Variants in NEXMIF observed in about 807,000 individuals in gnomAD.
The protein encoded by NEXMIF is XLMR protein related to neurite extension.
A neutral mutation model predicts 62.1 loss-of-function variants in NEXMIF; 8 were observed. The ratio of observed to expected loss-of-function variants is 0.13; its 90% CI spans 0.08 to 0.23. NEXMIF has a LOEUF of 0.23. Ranked by LOEUF, NEXMIF falls within the 10% of genes least tolerant of loss-of-function variation. The pLI is 1.00. For synonymous variants in NEXMIF, 404 were observed against 416.6 expected (o/e 0.97, Z 0.37); for missense variants, 976 against 1,113.3 (o/e 0.88, Z 1.75).
chrX:74,839,807 T>C (rs2080468351), intron 1 of NEXMIF, among the ~76,000 whole-genome samples: 1 of 112,485 alleles, frequency 8.9e-6, no homozygotes, highest in South Asian at 3.7e-4. Flanking sequence ...CGTTATCCAA[T>C]CTGTCATTGA....
At chrX:74,744,577 T>C (rs2080119867) in intron 2 of NEXMIF, 100 bp from the exon 3 acceptor site, 1 of 547,717 alleles carries the variant, frequency 1.8e-6, no homozygotes. Flanking sequence ...CTTGATCTTA[T>C]TATATAAGCT....
chrX:74,835,842 C>T (rs1327200701), intron 1 of NEXMIF, among the ~76,000 whole-genome samples: 1 of 111,998 alleles, frequency 8.9e-6, no homozygotes, highest in African/African-American at 3.2e-5. Flanking sequence ...TGGTGTCCTT[C>T]CCTTCAGGGT....
chrX:74,889,791 CTG>C (rs2080711025), intron 1 of NEXMIF, among the ~76,000 whole-genome samples: 1 of 111,317 alleles, frequency 9.0e-6, no homozygotes, highest in Admixed American at 9.5e-5. Context: ...GAGATATACA[CTG>C]TGTACATCTC....
intron 1 of NEXMIF, among the ~76,000 whole-genome samples, chrX:74,865,919 G>A (rs935722224): frequency 1.8e-5 from 2 of 111,583 alleles, no homozygotes; most frequent in African/African-American, 6.5e-5. Flanking sequence ...TTTGCTGCCG[G>A]GGTGGGGCCC....
chrX:74,776,480 C>T (rs1250653788), intron 1 of NEXMIF, among the ~76,000 whole-genome samples: 3 of 111,021 alleles, frequency 2.7e-5, no homozygotes, highest in Non-Finnish European at 3.8e-5. Flanking sequence ...AATCCCAGCA[C>T]GTTGGGAGGC....
At chrX:74,873,269 C>T (rs1464085160) in intron 1 of NEXMIF, among the ~76,000 whole-genome samples, 1 of 111,265 alleles carries the variant, frequency 9.0e-6, no homozygotes, top group African/African-American at 3.3e-5. Context: ...TGATAGTTTA[C>T]TGAGAATGAT....
intron 1 of NEXMIF, among the ~76,000 whole-genome samples, chrX:74,899,178 C>T (rs1337351844): frequency 1.8e-5 from 2 of 111,457 alleles, no homozygotes; most frequent in East Asian, 2.8e-4. Flanking sequence ...GACAAGGACG[C>T]CCACTCTCAC....
At chrX:74,834,363 A>G (rs1311155117) in intron 1 of NEXMIF, among the ~76,000 whole-genome samples, 3 of 110,984 alleles carry the variant, frequency 2.7e-5, no homozygotes, top group Non-Finnish European at 3.8e-5. Context: ...TCATTATAAT[A>G]TTCTGTGTTT....
At chrX:74,898,714 T>A (rs778558665) in intron 1 of NEXMIF, among the ~76,000 whole-genome samples, 22 of 111,562 alleles carry the variant, frequency 2.0e-4, no homozygotes, top group Admixed American at 2.9e-4. Context: ...AACTGTTCTA[T>A]TTTTTAAAAA....
At chrX:74,918,160 C>T (rs1482397901) in intron 1 of NEXMIF, among the ~76,000 whole-genome samples, 1 of 111,648 alleles carries the variant, frequency 9.0e-6, no homozygotes, top group South Asian at 3.8e-4. Flanking sequence ...AAGGCCAGCA[C>T]GGAGGTTTAA....
rs1297199556 is a variant in NEXMIF, at chrX:74,741,745, G to A, written c.2812C>T (p.Leu938Phe). ...LTPTTYNPIC[L>F]NSGGSNCNKV... ...TTGCAATTACTGCCACCACTATTGA[G>A]ACAGATTGGATTGTATGTTGTAGGT... is the stretch of plus-strand genomic sequence containing the variant. The change falls in exon 3 of 4, where the codon CTC (leucine) becomes TTC (phenylalanine). Residue 938 changes from leucine (L) to phenylalanine (F), a missense_variant. Around this residue, in one of 5 missense-constraint regions of NEXMIF, gnomAD observed 639 missense variants for 694.5 expected, o/e 0.92. Transcript: ENST00000055682. The A allele has an allele frequency of 2.5e-6, 3 of 1,211,367 alleles. No individual in the cohort carries two copies. The highest frequency in any genetic ancestry group is 4.3e-5 in the Admixed American group (2 of 46,046).
intron 1 of NEXMIF, among the ~76,000 whole-genome samples, chrX:74,906,128 C>A: frequency 9.2e-6 from 1 of 109,216 alleles, no homozygotes; most frequent in South Asian, 4.0e-4. Flanking sequence ...TTTAAATTAG[C>A]CAGGCATGGT....
intron 1 of NEXMIF, among the ~76,000 whole-genome samples, chrX:74,861,896 G>GA (rs1476984354): frequency 2.7e-5 from 3 of 111,450 alleles, no homozygotes; most frequent in African/African-American, 9.8e-5. Flanking sequence ...AAAACACACT[G>GA]AATTACAAAG....
intron 1 of NEXMIF, among the ~76,000 whole-genome samples, chrX:74,806,520 T>C (rs2080345336): frequency 8.9e-6 from 1 of 111,952 alleles, no homozygotes; most frequent in African/African-American, 3.2e-5. Context: ...AAATGTATCA[T>C]ACTATAAGGG....
chrX:74,824,929 T>C (rs1232599854), intron 1 of NEXMIF, among the ~76,000 whole-genome samples: 1 of 111,322 alleles, frequency 9.0e-6, no homozygotes, highest in Non-Finnish European at 1.9e-5. Flanking sequence ...ATTACAGGTA[T>C]AAGCCCCCGA....
intron 1 of NEXMIF, among the ~76,000 whole-genome samples, chrX:74,889,514 G>A (rs372387494): frequency 2.2e-4 from 25 of 111,508 alleles, no homozygotes; most frequent in African/African-American, 8.1e-4. Context: ...AACACTCAAA[G>A]GATTTCAGAA....
At chrX:74,915,099 T>C (rs1165128513) in intron 1 of NEXMIF, among the ~76,000 whole-genome samples, 1 of 111,615 alleles carries the variant, frequency 9.0e-6, no homozygotes, top group Non-Finnish European at 1.9e-5. Context: ...CTAGCGGTGA[T>C]GAAATAATAT....
At chrX:74,813,732 G>T (rs931942504) in intron 1 of NEXMIF, among the ~76,000 whole-genome samples, 9 of 111,997 alleles carry the variant, frequency 8.0e-5, no homozygotes, top group Non-Finnish European at 1.7e-4. Flanking sequence ...TATCAATGAT[G>T]TATTACCAGT....
At chrX:74,887,241 C>T (rs2080698524) in intron 1 of NEXMIF, among the ~76,000 whole-genome samples, 1 of 111,425 alleles carries the variant, frequency 9.0e-6, no homozygotes, top group Non-Finnish European at 1.9e-5. Context: ...TAGGCATGGG[C>T]AAGGACTTCA....
Sources: allele counts gnomAD v4.1 joint callset (sites outside exome capture counted in the v4.1 genomes callset), GRCh38; gene constraint gnomAD v4.1.1; regional missense constraint gnomAD v4.1.1; transcripts MANE v1.5; gene names NCBI Gene and HGNC (gene_info 2026-07-23, HGNC 2026-07-21).